FGF14: variants seen among roughly 807,000 people sequenced by gnomAD.
FGF14 encodes fibroblast growth factor homologous factor 4.
Under a neutral mutation model 25.5 loss-of-function variants are expected in FGF14, and 5 were observed. That is an observed-to-expected ratio of 0.20 (90% CI 0.10 to 0.41). FGF14 has a LOEUF of 0.41. FGF14 is among the 10% of genes least tolerant of loss of function. The pLI, the probability that FGF14 is intolerant of heterozygous loss-of-function variation, is 1.00. For synonymous variants in FGF14, 138 were observed against 118.3 expected (o/e 1.17, Z -1.08); for missense variants, 222 against 320.1 (o/e 0.69, Z 2.34).
intron 1 of FGF14, among the ~76,000 whole-genome samples, chr13:102,184,982 T>C (rs928066169): frequency 6.6e-6 from 1 of 152,126 alleles, no homozygotes; most frequent in South Asian, 2.1e-4. Context: ...TATGGTAGAA[T>C]ATTTTGTGGC....
chr13:101,893,202 C>A (rs2030031722), intron 1 of FGF14, among the ~76,000 whole-genome samples: 1 of 152,156 alleles, frequency 6.6e-6, no homozygotes. Context: ...CCAGTCTCTG[C>A]ATCTTTTCAA....
At chr13:102,003,995 C>T (rs555172022) in intron 1 of FGF14, among the ~76,000 whole-genome samples, 1 of 152,150 alleles carries the variant, frequency 6.6e-6, no homozygotes, top group East Asian at 1.9e-4. Context: ...CATACCTCCC[C>T]AGAGAGTTAT....
At chr13:102,226,491 A>G (rs1174172370) in intron 1 of FGF14, among the ~76,000 whole-genome samples, 2 of 152,152 alleles carry the variant, frequency 1.3e-5, no homozygotes, top group African/African-American at 4.8e-5. Flanking sequence ...ATTTTTCACA[A>G]TAGATAATAT....
At chr13:102,167,781 TGGCATGCTAG>T (rs1369541944) in intron 1 of FGF14, among the ~76,000 whole-genome samples, 2 of 145,818 alleles carry the variant, frequency 1.4e-5, no homozygotes, top group African/African-American at 5.1e-5. Flanking sequence ...TATTAGAAAC[TGGCATGCTAG>T]CTCTTTTTTT....
At chr13:101,814,452 C>T (rs1327411222) in intron 3 of FGF14, among the ~76,000 whole-genome samples, 2 of 152,198 alleles carry the variant, frequency 1.3e-5, no homozygotes, top group Non-Finnish European at 2.9e-5. Context: ...ATAAAATTTA[C>T]CTTTTAAGGG....
intron 1 of FGF14, among the ~76,000 whole-genome samples, chr13:101,903,238 GGTGTGTGTGTGT>G (rs3065974): frequency 6.7e-6 from 1 of 149,478 alleles, no homozygotes; most frequent in East Asian, 2.0e-4. Context: ...CTCTAATTGT[GGTGTGTGTGTGT>G]GTGTGTGTGT....
chr13:102,237,190 C>A (rs945599799), intron 1 of FGF14, among the ~76,000 whole-genome samples: 4 of 152,220 alleles, frequency 2.6e-5, no homozygotes, highest in Non-Finnish European at 5.9e-5. Flanking sequence ...CTCCCACTCA[C>A]CTGAGACCTT....
intron 1 of FGF14, among the ~76,000 whole-genome samples, chr13:102,273,101 T>C (rs1047533281): frequency 2.6e-5 from 4 of 152,186 alleles, no homozygotes; most frequent in Admixed American, 6.6e-5. Context: ...GCAAAGACTT[T>C]TCCTCTAGTT....
At chr13:101,912,851 C>G (rs1329021560) in intron 1 of FGF14, among the ~76,000 whole-genome samples, 1 of 152,012 alleles carries the variant, frequency 6.6e-6, no homozygotes, top group Admixed American at 6.6e-5. Context: ...GCCTATTAAC[C>G]TTCCTTATTT....
At chr13:102,370,061 A>T (rs2057831887) in intron 1 of FGF14, among the ~76,000 whole-genome samples, 1 of 152,048 alleles carries the variant, frequency 6.6e-6, no homozygotes, top group African/African-American at 2.4e-5. Flanking sequence ...TTGCAACCAC[A>T]ACTCACTGCA....
intron 1 of FGF14, among the ~76,000 whole-genome samples, chr13:102,022,780 A>G (rs1457975562): frequency 2.0e-5 from 3 of 152,134 alleles, no homozygotes; most frequent in Non-Finnish European, 4.4e-5. Context: ...ATCTTTGTAT[A>G]AAGCCTCTGT....
chr13:101,995,717 C>T lies in FGF14; in HGVS notation c.209-120421G>A, dbSNP rs541170330. On this transcript the variant is annotated intron_variant, in intron 1 of 4. Transcript: ENST00000376131. ...GGAGAGAAGAGCAACTCTCTTCAGTCTCAAATCAGGGAATTCTGCCTAGAA... is the reference window on the plus strand; with the variant it reads ...GGAGAGAAGAGCAACTCTCTTCAGTTTCAAATCAGGGAATTCTGCCTAGAA... Among the ~76,000 whole-genome samples the T allele has an allele frequency of 5.3e-5, 8 of 152,252 alleles. No individual in the cohort carries two copies. The South Asian group carries it at 1.7e-3, about 32-fold the overall frequency.
chr13:102,095,681 C>A (rs1304706509), intron 1 of FGF14, among the ~76,000 whole-genome samples: 4 of 152,052 alleles, frequency 2.6e-5, no homozygotes, highest in African/African-American at 9.7e-5. Flanking sequence ...AGGATGAAGA[C>A]CTTTATGATG....
At chr13:102,321,934 G>A (rs2056259177) in intron 1 of FGF14, among the ~76,000 whole-genome samples, 1 of 152,180 alleles carries the variant, frequency 6.6e-6, no homozygotes, top group African/African-American at 2.4e-5. Context: ...TCTGTACTGG[G>A]AGCAGACCAA....
intron 3 of FGF14, among the ~76,000 whole-genome samples, chr13:101,787,233 C>T (rs916991971): frequency 6.6e-6 from 1 of 152,254 alleles, no homozygotes; most frequent in African/African-American, 2.4e-5. Context: ...TAATACTTTC[C>T]CTGATTTCAA....
At chr13:101,747,912 TG>T (rs1307173690) in intron 3 of FGF14, among the ~76,000 whole-genome samples, 1 of 151,924 alleles carries the variant, frequency 6.6e-6, no homozygotes, top group African/African-American at 2.4e-5. Context: ...AAAACCACAA[TG>T]AGATATCATC....
chr13:102,331,507 C>G (rs1410493889), intron 1 of FGF14, among the ~76,000 whole-genome samples: 1 of 152,122 alleles, frequency 6.6e-6, no homozygotes, highest in Non-Finnish European at 1.5e-5. Context: ...CAGAAAAGCA[C>G]AGAAAACCAC....
intron 1 of FGF14, among the ~76,000 whole-genome samples, chr13:101,922,985 C>A (rs1235296333): frequency 6.6e-6 from 1 of 151,950 alleles, no homozygotes; most frequent in African/African-American, 2.4e-5. Flanking sequence ...CACTATTTCG[C>A]CTTTCCTAAA....
At chr13:101,877,277 T>A in intron 1 of FGF14, among the ~76,000 whole-genome samples, 1 of 152,306 alleles carries the variant, frequency 6.6e-6, no homozygotes, top group South Asian at 2.1e-4. Flanking sequence ...TACAACCAAA[T>A]TGATTTTGAT....
Sources: allele counts gnomAD v4.1 joint callset (sites outside exome capture counted in the v4.1 genomes callset), GRCh38; gene constraint gnomAD v4.1.1; transcripts MANE v1.5; gene names NCBI Gene and HGNC (gene_info 2026-07-23, HGNC 2026-07-21).